NWD2: variants seen among roughly 807,000 people sequenced by gnomAD.
NWD2 encodes NACHT and WD repeat domain-containing protein 2.
Under a neutral mutation model 132.7 loss-of-function variants are expected in NWD2, and 37 were observed. The observed-to-expected ratio is 0.28, with a 90% CI of 0.21 to 0.37. The LOEUF (loss-of-function observed/expected upper bound fraction) is 0.37, where lower values mean the gene tolerates loss of function less well. Among genes scored for constraint, NWD2 ranks in the 10% least tolerant of loss-of-function variants. NWD2 has a pLI of 1.00. For missense variants in NWD2, 1,592 were observed against 2,122.4 expected, an observed-to-expected ratio of 0.75 and a Z score of 4.91; for synonymous variants, 705 against 803.0, an observed-to-expected ratio of 0.88 and a Z score of 2.06.
intron 5 of NWD2, 101 bp from the exon 6 acceptor site, chr4:37,438,700 C>A: frequency 1.3e-6 from 1 of 784,368 alleles, no homozygotes; most frequent in Non-Finnish European, 2.0e-6. Context: ...AAACCATAAG[C>A]AAAATAATTT....
intron 1 of NWD2, among the ~76,000 whole-genome samples, chr4:37,245,919 G>C (rs1033883410): frequency 1.3e-5 from 2 of 152,182 alleles, no homozygotes; most frequent in African/African-American, 4.8e-5. Flanking sequence ...ATGAAAACTT[G>C]TTGATTTCTT....
intron 1 of NWD2, among the ~76,000 whole-genome samples, chr4:37,314,717 C>A (rs1474695299): frequency 2.6e-5 from 4 of 152,082 alleles, no homozygotes; most frequent in African/African-American, 7.2e-5. Flanking sequence ...TTTCAAGGAA[C>A]CAACTTTTTA....
rs1271918671 is a variant in NWD2, at chr4:37,444,073, C to T, written c.2085C>T (p.Thr695=). 1 of 1,551,706 alleles carries T rather than the reference C, an allele frequency of 6.4e-7. No homozygotes were observed. Among genetic ancestry groups the T allele is most frequent in the Non-Finnish European group, 8.7e-7 (1 of 1,147,000 alleles). ...NSVMSELKEN[T]RPSNPLRVPY... The stretch of plus-strand genomic sequence containing the variant: ...TAATGAGTGAGCTCAAAGAAAACAC[C>T]AGACCCAGCAATCCCCTGAGAGTAC... The change falls in exon 7 of 7, where the codon ACC becomes ACT. Residue 695 remains threonine, a synonymous_variant. Transcript: ENST00000309447. The surrounding 1 kb of genome is among the most constrained non-coding windows in gnomAD (Gnocchi z 4.8).
chr4:37,267,621 G>A (rs1435377), intron 1 of NWD2, among the ~76,000 whole-genome samples: 38,996 of 151,778 alleles, frequency 0.26, 5,513 homozygotes, highest in South Asian at 0.38. Flanking sequence ...ACTGAAAGTC[G>A]TGGGCTGTAA....
intron 1 of NWD2, among the ~76,000 whole-genome samples, chr4:37,247,512 T>C (rs1334018276): frequency 1.3e-5 from 2 of 152,228 alleles, no homozygotes; most frequent in Non-Finnish European, 2.9e-5. Context: ...AGGATTTTGC[T>C]TGGAGTATTG....
At chr4:37,357,349 C>G (rs1447566608) in intron 3 of NWD2, among the ~76,000 whole-genome samples, 1 of 152,136 alleles carries the variant, frequency 6.6e-6, no homozygotes, top group Non-Finnish European at 1.5e-5. Context: ...TATTTATTTG[C>G]ATATCCGTCT....
chr4:37,403,861 A>G (rs1720945019), intron 3 of NWD2, among the ~76,000 whole-genome samples: 1 of 152,238 alleles, frequency 6.6e-6, no homozygotes, highest in Non-Finnish European at 1.5e-5. Context: ...AGGAATGTAC[A>G]TTAAAATGAA....
At position 37,445,961 on chromosome 4, in the gene NWD2, C is replaced by T; in HGVS notation, c.3973C>T (p.Pro1325Ser). The change falls in exon 7 of 7, where the codon CCT becomes TCT. Residue 1325 changes from proline (P) to serine (S), a missense_variant. Transcript: ENST00000309447. This position sits in a 1 kb window ranked among gnomAD's most constrained non-coding sequence, Gnocchi z 4.7. ...AAAACCCATCCAAAGTCTGTTGTTG[C>T]CTGCTAGAGGGGAAATCATTTACTC... is the stretch of plus-strand genomic sequence containing the variant. ...TGKPIQSLLL[P>S]ARGEIIYSLD... The T allele has an allele frequency of 6.4e-7, 1 of 1,551,506 alleles. No individual in the cohort carries two copies. Among genetic ancestry groups the T allele is most frequent in the Non-Finnish European group, 8.7e-7 (1 of 1,146,900 alleles).
chr4:37,377,029 A>G (rs778532059), intron 3 of NWD2, among the ~76,000 whole-genome samples: 31 of 152,340 alleles, frequency 2.0e-4, no homozygotes, highest in Middle Eastern at 3.4e-3. Flanking sequence ...GAAACATTTT[A>G]TCATTTTCCT....
At chr4:37,245,515 C>T (rs1349556937) in intron 1 of NWD2, among the ~76,000 whole-genome samples, 2 of 151,708 alleles carry the variant, frequency 1.3e-5, no homozygotes. Context: ...CTCCATTCTG[C>T]CGCCGCCGCC....
At chr4:37,260,411 T>C (rs1286174412) in intron 1 of NWD2, among the ~76,000 whole-genome samples, 1 of 152,154 alleles carries the variant, frequency 6.6e-6, no homozygotes, top group African/African-American at 2.4e-5. Context: ...ACAGTGTTAT[T>C]TGGGCAGTTT....
At chr4:37,281,839 A>C (rs935176690) in intron 1 of NWD2, among the ~76,000 whole-genome samples, 2 of 152,208 alleles carry the variant, frequency 1.3e-5, no homozygotes, top group Non-Finnish European at 2.9e-5. Flanking sequence ...ATTTTAAACA[A>C]ATTTGTGGAC....
chr4:37,385,789 A>ATC (rs1720551343), intron 3 of NWD2, among the ~76,000 whole-genome samples: 1 of 152,166 alleles, frequency 6.6e-6, no homozygotes, highest in Non-Finnish European at 1.5e-5. Flanking sequence ...GTATGATAGA[A>ATC]ATTAACTGGG....
chr4:37,389,228 C>G (rs1157371321), intron 3 of NWD2, among the ~76,000 whole-genome samples: 1 of 152,218 alleles, frequency 6.6e-6, no homozygotes, highest in Non-Finnish European at 1.5e-5. Flanking sequence ...CTCGTCAGAG[C>G]CCCTGCCTCA....
At position 37,444,153 on chromosome 4, in the gene NWD2, G is replaced by A; in HGVS notation, c.2165G>A (p.Arg722Lys). The change falls in exon 7 of 7, where the codon AGA becomes AAA. Residue 722 changes from arginine (R) to lysine (K), a missense_variant. This residue lies in a region of NWD2 where 1,071 missense variants were observed against 1,398.0 expected (regional missense o/e 0.77). Coordinates refer to ENST00000309447, the MANE Select transcript of NWD2 (RefSeq NM_001144990.2). The surrounding 1 kb of genome is among the most constrained non-coding windows in gnomAD (Gnocchi z 4.8). Reference sequence around the variant, plus strand: ...GGTCTCAGTGGATACCTAATAGAAAGACATGTGAAAAATGTCACACTCCTA... The same window carrying A: ...GGTCTCAGTGGATACCTAATAGAAAAACATGTGAAAAATGTCACACTCCTA... Reference protein sequence around the residue: ...KEGLSGYLIERHVKNVTLLVW... With the variant: ...KEGLSGYLIEKHVKNVTLLVW... 6.4e-7 allele frequency: 1 copy of A among 1,551,702 alleles called. No individual in the cohort carries two copies. The highest frequency in any genetic ancestry group is 8.7e-7 in the Non-Finnish European group (1 of 1,146,990).
At chr4:37,294,058 AC>A (rs1159900622) in intron 1 of NWD2, among the ~76,000 whole-genome samples, 4 of 152,024 alleles carry the variant, frequency 2.6e-5, no homozygotes, top group African/African-American at 4.8e-5. Context: ...GGAAGTCCCC[AC>A]CCCCCTACTC....
intron 3 of NWD2, among the ~76,000 whole-genome samples, chr4:37,365,982 G>A (rs1228762880): frequency 6.6e-6 from 1 of 152,138 alleles, no homozygotes; most frequent in Non-Finnish European, 1.5e-5. Flanking sequence ...AAGGTAAAAT[G>A]TAAACATCAT....
At chr4:37,390,228 A>G (rs1720652816) in intron 3 of NWD2, among the ~76,000 whole-genome samples, 1 of 141,326 alleles carries the variant, frequency 7.1e-6, no homozygotes, top group African/African-American at 2.6e-5. Flanking sequence ...AAGTATATGT[A>G]CATATACTTT....
chr4:37,387,756 C>A (rs1286397814), intron 3 of NWD2, among the ~76,000 whole-genome samples: 1 of 146,700 alleles, frequency 6.8e-6, no homozygotes, highest in African/African-American at 2.5e-5. Flanking sequence ...CTCACTGCAA[C>A]CTCTGTCTTC....
Sources: gnomAD v4.1 joint callset for allele counts (sites outside exome capture counted in the v4.1 genomes callset) on GRCh38, gnomAD v4.1.1 for gene constraint, gnomAD v4.1.1 regional missense constraint, Gnocchi (gnomAD v3.1) non-coding constraint, MANE v1.5 for transcripts, NCBI Gene and HGNC (gene_info 2026-07-23, HGNC 2026-07-21) for gene names.